Variants in TANC2 observed in about 807,000 individuals in gnomAD.
TANC2 encodes the protein tetratricopeptide repeat, ankyrin repeat and coiled-coil containing 2.
In TANC2, 26 loss-of-function variants were observed where a neutral mutation model predicts 210.5. The ratio of observed to expected loss-of-function variants is 0.12; its 90% CI spans 0.09 to 0.17. TANC2 has a LOEUF of 0.17. Among genes scored for constraint, TANC2 ranks in the 10% least tolerant of loss-of-function variants. TANC2 has a pLI of 1.00. For synonymous variants in TANC2, 931 were observed against 967.1 expected, an observed-to-expected ratio of 0.96 and a Z score of 0.69; for missense variants, 2,129 against 2,608.9, an observed-to-expected ratio of 0.82 and a Z score of 4.01.
intron 4 of TANC2, among the ~76,000 whole-genome samples, chr17:63,102,265 G>A (rs932448567): frequency 4.6e-5 from 7 of 151,726 alleles, no homozygotes; most frequent in South Asian, 4.2e-4. Context: ...AGCTCTGATC[G>A]CACCACTGCA....
chr17:63,146,980 A>G (rs1032323974), intron 4 of TANC2, among the ~76,000 whole-genome samples: 5 of 151,670 alleles, frequency 3.3e-5, no homozygotes, highest in African/African-American at 1.2e-4. Flanking sequence ...AAAAAACAGC[A>G]ACAACAACAA....
At chr17:63,028,743 C>T (rs2034654134) in intron 2 of TANC2, among the ~76,000 whole-genome samples, 1 of 152,058 alleles carries the variant, frequency 6.6e-6, no homozygotes, top group Admixed American at 6.6e-5. Flanking sequence ...GCCAAAGTTA[C>T]ATGTTTTGGG....
At chr17:63,346,157 G>T (rs781189715) in intron 12 of TANC2, among the ~76,000 whole-genome samples, 24 of 152,154 alleles carry the variant, frequency 1.6e-4, no homozygotes, top group Non-Finnish European at 3.4e-4. Context: ...TAGAAAAGTT[G>T]TATCTCTAAA....
intron 4 of TANC2, among the ~76,000 whole-genome samples, chr17:63,134,581 A>G (rs1442524440): frequency 2.0e-5 from 3 of 152,128 alleles, no homozygotes; most frequent in Non-Finnish European, 2.9e-5. Context: ...TCAGCTGTCT[A>G]TTACCAAAGA....
Position 63,357,572 on chromosome 17 carries a change from C to CA in TANC2, c.2582+2189dup, listed in dbSNP as rs978370784. Among the ~76,000 whole-genome samples the CA allele has an allele frequency of 6.2e-4, 94 of 152,046 alleles. 2 individuals carry two copies. Among genetic ancestry groups the CA allele is most frequent in the Non-Finnish European group, 1.5e-4 (10 of 67,998 alleles). ...AATTGTAAACAGGACCAGGAGTTAT[C>CA]AAAAAAAGCTTTCTTAGATTTCATT... On this transcript the variant is annotated intron_variant, in intron 14 of 27. Coordinates refer to ENST00000689528, the Ensembl canonical transcript of TANC2.
chr17:63,045,068 A>G (rs1015916266), intron 2 of TANC2, among the ~76,000 whole-genome samples: 2 of 152,192 alleles, frequency 1.3e-5, no homozygotes, highest in African/African-American at 4.8e-5. Context: ...AAAAAAAATT[A>G]AAGGAGAATA....
At chr17:63,356,089 C>G (rs1380312509) in intron 14 of TANC2, among the ~76,000 whole-genome samples, 1 of 151,824 alleles carries the variant, frequency 6.6e-6, no homozygotes, top group Non-Finnish European at 1.5e-5. Context: ...CCACCACTCC[C>G]CACCCCACAC....
At chr17:63,159,470 G>A (rs2039950230) in intron 5 of TANC2, among the ~76,000 whole-genome samples, 1 of 152,020 alleles carries the variant, frequency 6.6e-6, no homozygotes, top group South Asian at 2.1e-4. Flanking sequence ...TAATCAGAAA[G>A]CCATTGTTAA....
chr17:63,365,635 T>G (rs1327327014), intron 14 of TANC2, among the ~76,000 whole-genome samples: 1 of 152,180 alleles, frequency 6.6e-6, no homozygotes, highest in Non-Finnish European at 1.5e-5. Context: ...TGAATTAAGT[T>G]CATTCTTTCT....
intron 9 of TANC2, among the ~76,000 whole-genome samples, chr17:63,294,387 T>A (rs904937935): frequency 6.6e-6 from 1 of 152,086 alleles, no homozygotes; most frequent in South Asian, 2.1e-4. Context: ...AATGGGAAGA[T>A]TGCTTGAGCC....
intron 2 of TANC2, among the ~76,000 whole-genome samples, chr17:63,036,709 C>T (rs1232200753): frequency 2.0e-5 from 3 of 152,056 alleles, no homozygotes; most frequent in Non-Finnish European, 2.9e-5. Flanking sequence ...AACATTTTTT[C>T]CATGTGGGAT....
At chr17:63,326,483 G>A (rs1303874187) in intron 11 of TANC2, among the ~76,000 whole-genome samples, 2 of 152,050 alleles carry the variant, frequency 1.3e-5, no homozygotes, top group African/African-American at 4.8e-5. Context: ...TCTAAAGCTA[G>A]AGGAATAGAA....
intron 5 of TANC2, among the ~76,000 whole-genome samples, chr17:63,188,373 C>G (rs529064229): frequency 5.5e-4 from 83 of 151,732 alleles, no homozygotes; most frequent in Non-Finnish European, 1.0e-3. Context: ...GTGGGCAGAT[C>G]ATGAGGTCAA....
intron 2 of TANC2, among the ~76,000 whole-genome samples, chr17:63,034,813 T>G (rs1446519657): frequency 2.6e-5 from 4 of 152,208 alleles, no homozygotes; most frequent in Non-Finnish European, 5.9e-5. Flanking sequence ...AATCTCATGA[T>G]AAAACTTGAA....
intron 5 of TANC2, among the ~76,000 whole-genome samples, chr17:63,174,412 A>G (rs966904826): frequency 6.6e-6 from 1 of 152,182 alleles, no homozygotes; most frequent in African/African-American, 2.4e-5. Flanking sequence ...TGCCCCCCCA[A>G]ATTGTTGCTC....
At chr17:63,098,480 ATACACTCT>A (rs1202392464) in intron 3 of TANC2, among the ~76,000 whole-genome samples, 309 of 25,772 alleles carry the variant, frequency 0.012, 6 homozygotes, top group African/African-American at 0.057. Context: ...ACACACACAC[ATACACTCT>A]CTCTCTCTCT....
intron 8 of TANC2, among the ~76,000 whole-genome samples, chr17:63,259,565 C>A (rs2043298168): frequency 6.6e-6 from 1 of 152,174 alleles, no homozygotes; most frequent in African/African-American, 2.4e-5. Context: ...TTGCTGCACT[C>A]CATTTTATAC....
intron 14 of TANC2, among the ~76,000 whole-genome samples, chr17:63,355,812 T>A (rs2046764755): frequency 6.6e-6 from 1 of 152,226 alleles, no homozygotes; most frequent in Non-Finnish European, 1.5e-5. Context: ...TTATCATTTT[T>A]AAAGTTTCCA....
rs751175550 is a variant in TANC2, at chr17:63,420,130, CGCCACCGCA to C, written c.4404_4412del (p.Pro1469_Pro1471del). On this transcript the variant is annotated inframe_deletion, in exon 28 of 28. Transcript: ENST00000689528. The surrounding 1 kb of genome is among the most constrained non-coding windows in gnomAD (Gnocchi z 4.2). ...ATGCAGCAGCCACAGCAGCCACCGC[CGCCACCGCA>C]GCCTCAGCAGCAGTTGCCGGAAGAA... The C allele has an allele frequency of 1.3e-6, 2 of 1,553,090 alleles. No homozygotes were observed. Among genetic ancestry groups the C allele is most frequent in the East Asian group, 2.4e-5 (1 of 41,086 alleles).
Sources: allele counts gnomAD v4.1 joint callset (sites outside exome capture counted in the v4.1 genomes callset), GRCh38; gene constraint gnomAD v4.1.1; non-coding constraint Gnocchi (gnomAD v3.1); transcripts MANE v1.5; gene names NCBI Gene and HGNC (gene_info 2026-07-23, HGNC 2026-07-21).